AGBL1: variants seen among roughly 807,000 people sequenced by gnomAD.
The protein encoded by AGBL1 is cytosolic carboxypeptidase 4.
A neutral mutation model predicts 118.9 loss-of-function variants in AGBL1; 130 were observed. The observed-to-expected ratio is 1.09, with a 90% CI of 0.95 to 1.26. The LOEUF is 1.26. Among genes scored for constraint, AGBL1 ranks in the 50% most tolerant of loss-of-function variants. The probability of loss-of-function intolerance (pLI) is 0.00; values close to 1 mark genes in which losing one functional copy is unlikely to be tolerated. For missense variants in AGBL1, 1,584 were observed against 1,298.1 expected (o/e 1.22, Z -3.38); for synonymous variants, 555 against 478.9 (o/e 1.16, Z -2.08).
At chr15:86,402,632 G>A (rs2081465673) in intron 18 of AGBL1, among the ~76,000 whole-genome samples, 1 of 152,112 alleles carries the variant, frequency 6.6e-6, no homozygotes, top group Admixed American at 6.5e-5. Context: ...AGCCTACAAG[G>A]CTTTACTTCT....
At chr15:86,719,486 CTT>C (rs2086685483) in intron 22 of AGBL1, among the ~76,000 whole-genome samples, 1 of 152,160 alleles carries the variant, frequency 6.6e-6, no homozygotes, top group African/African-American at 2.4e-5. Context: ...GTAAAGCCCT[CTT>C]TGCATTCCTT....
intron 16 of AGBL1, among the ~76,000 whole-genome samples, chr15:86,280,329 T>C (rs138920457): frequency 7.9e-5 from 12 of 152,198 alleles, no homozygotes; most frequent in African/African-American, 2.4e-4. Flanking sequence ...AATAAAACAC[T>C]AGATCATTGC....
intron 22 of AGBL1, among the ~76,000 whole-genome samples, chr15:86,842,318 C>T (rs1186201903): frequency 6.6e-6 from 1 of 152,110 alleles, no homozygotes; most frequent in Non-Finnish European, 1.5e-5. Flanking sequence ...CACTGAAAAC[C>T]TTTATACTGG....
At chr15:86,283,490 G>A (rs2079389071) in intron 16 of AGBL1, among the ~76,000 whole-genome samples, 1 of 151,918 alleles carries the variant, frequency 6.6e-6, no homozygotes, top group Admixed American at 6.6e-5. Context: ...TGGGGAGGTG[G>A]GGGGAGGTGG....
At chr15:86,640,070 T>C (rs2085166147) in intron 21 of AGBL1, among the ~76,000 whole-genome samples, 1 of 152,194 alleles carries the variant, frequency 6.6e-6, no homozygotes, top group African/African-American at 2.4e-5. Context: ...TAATACTCTA[T>C]ATACATGTCA....
At chr15:86,899,953 C>G (rs2080188030) in intron 22 of AGBL1, among the ~76,000 whole-genome samples, 1 of 152,168 alleles carries the variant, frequency 6.6e-6, no homozygotes. Context: ...GCTGCCTGAA[C>G]AGCTAGAATA....
intron 18 of AGBL1, among the ~76,000 whole-genome samples, chr15:86,424,658 C>A (rs1241214411): frequency 6.6e-6 from 1 of 152,104 alleles, no homozygotes; most frequent in Non-Finnish European, 1.5e-5. Flanking sequence ...GGGCTAGTAT[C>A]CAGAATCTAC....
At chr15:86,293,137 G>A (rs2079573980) in intron 16 of AGBL1, among the ~76,000 whole-genome samples, 1 of 152,130 alleles carries the variant, frequency 6.6e-6, no homozygotes, top group Admixed American at 6.5e-5. Flanking sequence ...CTATTCAGAT[G>A]TCGGGATTTG....
intron 24 of AGBL1, among the ~76,000 whole-genome samples, chr15:87,002,995 G>A (rs62031584): frequency 2.0e-5 from 3 of 152,182 alleles, no homozygotes; most frequent in African/African-American, 4.8e-5. Context: ...ATTGCCCTGG[G>A]CAGAACTTCC....
intron 22 of AGBL1, among the ~76,000 whole-genome samples, chr15:86,858,289 T>C (rs1019576624): frequency 2.6e-5 from 4 of 152,160 alleles, no homozygotes; most frequent in Non-Finnish European, 5.9e-5. Context: ...TTAGATATAA[T>C]AGGGACTTCT....
At chr15:86,291,154 G>A (rs2079538953) in intron 16 of AGBL1, among the ~76,000 whole-genome samples, 1 of 152,130 alleles carries the variant, frequency 6.6e-6, no homozygotes, top group Non-Finnish European at 1.5e-5. Flanking sequence ...AGATAAGGTA[G>A]TATGTTGTCT....
rs577207910 is a variant in AGBL1 at position 86,153,861 on chromosome 15, G to C, written c.263-569G>C. On this transcript the variant is annotated intron_variant, in intron 3 of 22. Coordinates refer to ENST00000614907, the MANE Select transcript of AGBL1 (RefSeq NM_001386094.1). The stretch of plus-strand genomic sequence containing the variant: ...ATATTTTAAGAGAAATTGCAGGTTA[G>C]CATTTTCTTCCTAAATCCTTTCAAG... Among the ~76,000 whole-genome samples, 5 of 152,174 alleles carry C rather than the reference G, an allele frequency of 3.3e-5. 1 individual carries two copies. In the South Asian group the frequency reaches 1.0e-3, roughly 32 times the overall value.
At chr15:86,278,535 G>A (rs889445663) in intron 15 of AGBL1, among the ~76,000 whole-genome samples, 1 of 152,162 alleles carries the variant, frequency 6.6e-6, no homozygotes, top group Non-Finnish European at 1.5e-5. Context: ...GTAGGGAGTG[G>A]CATGAAAGTA....
chr15:86,843,178 T>G (rs890661400), intron 22 of AGBL1, among the ~76,000 whole-genome samples: 16 of 152,088 alleles, frequency 1.1e-4, no homozygotes, highest in African/African-American at 3.9e-4. Flanking sequence ...GCATCTGCAT[T>G]TACCACAGCC....
At chr15:86,843,055 G>GC (rs2079267711) in intron 22 of AGBL1, among the ~76,000 whole-genome samples, 1 of 152,128 alleles carries the variant, frequency 6.6e-6, no homozygotes, top group African/African-American at 2.4e-5. Context: ...AGATTTGGGG[G>GC]CCGTCTACCA....
chr15:86,903,079 A>G (rs1036090382), intron 22 of AGBL1, among the ~76,000 whole-genome samples: 1 of 150,572 alleles, frequency 6.6e-6, no homozygotes. Context: ...TGTTCTCTTT[A>G]TTTTTTTTTA....
intron 6 of AGBL1, among the ~76,000 whole-genome samples, chr15:86,242,805 A>G (rs891293488): frequency 1.1e-4 from 17 of 152,250 alleles, no homozygotes; most frequent in African/African-American, 3.9e-4. Context: ...TAAGAGGAGC[A>G]GTGGGCTGCT....
chr15:86,722,647 AT>A (rs1176713027), intron 22 of AGBL1, among the ~76,000 whole-genome samples: 1 of 152,240 alleles, frequency 6.6e-6, no homozygotes, highest in Non-Finnish European at 1.5e-5. Flanking sequence ...AAAAGCCAAA[AT>A]TGACAAATGG....
chr15:87,021,562 T>C (rs2081664989), intron 24 of AGBL1, among the ~76,000 whole-genome samples: 2 of 152,056 alleles, frequency 1.3e-5, no homozygotes, highest in Admixed American at 6.6e-5. Context: ...ACAGACAACC[T>C]ACAAAATAGG....
Sources: allele counts gnomAD v4.1 joint callset (sites outside exome capture counted in the v4.1 genomes callset), GRCh38; gene constraint gnomAD v4.1.1; transcripts MANE v1.5; gene names NCBI Gene and HGNC (gene_info 2026-07-23, HGNC 2026-07-21).